Variants in MYO1E observed in about 807,000 individuals in gnomAD.
MYO1E encodes the protein unconventional myosin-Ie.
Under a neutral mutation model 151.1 loss-of-function variants are expected in MYO1E, and 68 were observed. That is an observed-to-expected ratio of 0.45 (90% CI 0.37 to 0.55). The LOEUF (loss-of-function observed/expected upper bound fraction) is 0.55. Among genes scored for constraint, MYO1E ranks in the 20% least tolerant of loss-of-function variants. MYO1E has a pLI of 0.00. For missense variants in MYO1E, 1,363 were observed against 1,389.3 expected (o/e 0.98, Z 0.30); for synonymous variants, 601 against 501.7 (o/e 1.20, Z -2.64).
intron 16 of MYO1E, among the ~76,000 whole-genome samples, chr15:59,201,457 T>G (rs2079801617): frequency 6.9e-6 from 1 of 144,542 alleles, no homozygotes; most frequent in Non-Finnish European, 1.5e-5. Context: ...GAGGCTGGAG[T>G]GCAATCGCGC....
rs950054944 is a variant in MYO1E, at chr15:59,134,358, C to G, written c.*3022G>C. 2 of 152,200 alleles carry G rather than the reference C, an allele frequency of 1.3e-5. No homozygotes were observed. Among genetic ancestry groups the G allele is most frequent in the Non-Finnish European group, 2.9e-5 (2 of 68,058 alleles). The allele number at this position is 152,200 out of a possible 1,614,324, so 9.4% of individuals were successfully genotyped here. A position where few individuals can be genotyped will look rare whatever the true frequency, so the allele number is the denominator to read the frequency against. ...CTCTCCACATGTCTCTGTATTGTTT[C>G]ACAAAACACTGTGGAAGAGACGGCC... is the stretch of plus-strand genomic sequence containing the variant. On this transcript the variant is annotated 3_prime_UTR_variant, in exon 28 of 28. Transcript: ENST00000288235.
At chr15:59,209,399 C>T (rs868594895) in intron 13 of MYO1E, among the ~76,000 whole-genome samples, 20 of 151,988 alleles carry the variant, frequency 1.3e-4, no homozygotes, top group Non-Finnish European at 2.2e-4. Context: ...GTTGTCTGGC[C>T]GGGCATGGTG....
chr15:59,172,713 A>G lies in MYO1E; in HGVS notation c.2335-671T>C, dbSNP rs867737656. On this transcript the variant is annotated intron_variant, in intron 21 of 27. Coordinates refer to ENST00000288235, the MANE Select transcript of MYO1E (RefSeq NM_004998.4). ...TCTAAACAGGGGGCAGTGTCTGCAT[A>G]TATTTTCTTGGGAGTTCATAAAATT... 6.6e-5 allele frequency among the ~76,000 whole-genome samples: 10 copies of G among 152,322 alleles called. No homozygotes were observed. The Middle Eastern group carries it at 0.014, about 207-fold the overall frequency.
chr15:59,267,197 T>C (rs1717298757), intron 2 of MYO1E, among the ~76,000 whole-genome samples: 2 of 88,870 alleles, frequency 2.3e-5, no homozygotes, highest in Non-Finnish European at 2.3e-5. Flanking sequence ...GGCTAATTTT[T>C]GTATTTATAG....
In MYO1E at chr15:59,136,948, G is replaced by GTC; in HGVS notation, c.*430_*431dup. 1 of 360,034 alleles carries GTC rather than the reference G, an allele frequency of 2.8e-6. No individual in the cohort carries two copies. Among genetic ancestry groups the GTC allele is most frequent in the South Asian group, 2.1e-5 (1 of 48,774 alleles). 22.3% of individuals were successfully genotyped at this position (360,034 alleles called of 1,614,324 possible). A position where few individuals can be genotyped will look rare whatever the true frequency, so the allele number is the denominator to read the frequency against. On this transcript the variant is annotated 3_prime_UTR_variant, in exon 28 of 28. Transcript: ENST00000288235. ...GAAGGAAGGTGGCAGAGAGGAATGT[G>GTC]TCTATCAGGTATGGACAAGAGAGAT... is the stretch of plus-strand genomic sequence containing the variant.
rs566795791 is a variant in MYO1E, at chr15:59,282,666, C to T, written c.4-10217G>A. Reference sequence around the variant, plus strand: ...TTAGAGGCCAGCCTGGACAACATAGCGAGACCCCATCTCTACACAAAATCA... The same window carrying T: ...TTAGAGGCCAGCCTGGACAACATAGTGAGACCCCATCTCTACACAAAATCA... On this transcript the variant is annotated intron_variant, in intron 1 of 27. Transcript: ENST00000288235. 1.5e-4 allele frequency among the ~76,000 whole-genome samples: 22 copies of T among 150,642 alleles called. No homozygotes were observed. The South Asian group carries it at 3.6e-3, about 25-fold the overall frequency.
intron 1 of MYO1E, among the ~76,000 whole-genome samples, chr15:59,305,440 C>G (rs944171659): frequency 5.9e-5 from 9 of 152,140 alleles, no homozygotes; most frequent in Non-Finnish European, 1.0e-4. Context: ...AGTGATCCGC[C>G]CACCTCAGCC....
At position 59,159,303 on chromosome 15, in the gene MYO1E, T is replaced by C. The variant is rs1304353496; in HGVS notation, c.2786-924A>G. Among the ~76,000 whole-genome samples, 1 of 152,230 alleles carries C rather than the reference T, an allele frequency of 6.6e-6. No individual in the cohort carries two copies. The highest frequency in any genetic ancestry group is 1.5e-5 in the Non-Finnish European group (1 of 68,034). On this transcript the variant is annotated intron_variant, in intron 24 of 27. Transcript: ENST00000288235. This position sits in a 1 kb window ranked among gnomAD's most constrained non-coding sequence, Gnocchi z 4.4. ...CAAATAAGATAGAATCCAACACCTA[T>C]TGGGCAATTTCCCCTCGGGGGCCCG... is the stretch of plus-strand genomic sequence containing the variant.
intron 26 of MYO1E, among the ~76,000 whole-genome samples, chr15:59,151,889 T>C (rs961883590): frequency 2.7e-5 from 4 of 147,156 alleles, no homozygotes; most frequent in Admixed American, 6.8e-5. Flanking sequence ...TCTACAAAAA[T>C]ACACACACAC....
intron 1 of MYO1E, among the ~76,000 whole-genome samples, chr15:59,343,610 C>T (rs2080777684): frequency 6.6e-6 from 1 of 152,152 alleles, no homozygotes; most frequent in South Asian, 2.1e-4. Context: ...ATCTCTCTCT[C>T]TCTACCTCCT....
At chr15:59,321,860 T>C (rs1235453989) in intron 1 of MYO1E, among the ~76,000 whole-genome samples, 1 of 151,760 alleles carries the variant, frequency 6.6e-6, no homozygotes, top group Non-Finnish European at 1.5e-5. Flanking sequence ...AGTGAGACCC[T>C]GGCTCAAAAA....
intron 1 of MYO1E, among the ~76,000 whole-genome samples, chr15:59,371,204 G>A (rs1596447540): frequency 1.3e-5 from 2 of 152,138 alleles, no homozygotes; most frequent in Non-Finnish European, 2.9e-5. Flanking sequence ...ACGGGGCAAG[G>A]GGGCTTCTGA....
chr15:59,231,409 A>T (rs67412566), intron 6 of MYO1E, among the ~76,000 whole-genome samples: 6,307 of 152,350 alleles, frequency 0.041, 192 homozygotes, highest in Non-Finnish European at 0.069. Flanking sequence ...TCTCTAGGGC[A>T]TAAAGACAAC....
intron 1 of MYO1E, among the ~76,000 whole-genome samples, chr15:59,292,422 T>C (rs1358878968): frequency 6.6e-6 from 1 of 152,242 alleles, no homozygotes; most frequent in Non-Finnish European, 1.5e-5. Context: ...CTGGCAGGCA[T>C]ATGAGTTCTG....
chr15:59,255,738 G>C (rs1268565894), intron 4 of MYO1E, among the ~76,000 whole-genome samples: 1 of 152,192 alleles, frequency 6.6e-6, no homozygotes, highest in Non-Finnish European at 1.5e-5. Flanking sequence ...AATGTTTTAA[G>C]AAAGTTTACG....
intron 1 of MYO1E, among the ~76,000 whole-genome samples, chr15:59,302,071 T>A (rs2080486301): frequency 1.3e-5 from 2 of 151,664 alleles, no homozygotes; most frequent in Admixed American, 1.3e-4. Flanking sequence ...CTGTTGGAGG[T>A]AATAAGAACA....
chr15:59,284,624 T>G (rs2080376470), intron 1 of MYO1E, among the ~76,000 whole-genome samples: 2 of 146,242 alleles, frequency 1.4e-5, no homozygotes, highest in South Asian at 4.3e-4. Context: ...TGTGTTTCTC[T>G]ACCAAAAAAA....
At chr15:59,356,145 A>T (rs1278951180) in intron 1 of MYO1E, among the ~76,000 whole-genome samples, 1 of 152,172 alleles carries the variant, frequency 6.6e-6, no homozygotes, top group Non-Finnish European at 1.5e-5. Flanking sequence ...CCCCATTTTC[A>T]ACATTATAGC....
At chr15:59,356,073 A>C (rs1044295898) in intron 1 of MYO1E, among the ~76,000 whole-genome samples, 16 of 152,180 alleles carry the variant, frequency 1.1e-4, no homozygotes, top group Admixed American at 9.2e-4. Context: ...CAACATATAC[A>C]ACAGATTCTG....
Sources: gnomAD v4.1 joint callset for allele counts (sites outside exome capture counted in the v4.1 genomes callset) on GRCh38, gnomAD v4.1.1 for gene constraint, Gnocchi (gnomAD v3.1) non-coding constraint, MANE v1.5 for transcripts, NCBI Gene and HGNC (gene_info 2026-07-23, HGNC 2026-07-21) for gene names.